TAF4B: variants seen among roughly 807,000 people sequenced by gnomAD.
TAF4B encodes the protein TATA-box binding protein associated factor 4b.
Under a neutral mutation model 86.4 loss-of-function variants are expected in TAF4B, and 38 were observed. That is an observed-to-expected ratio of 0.44 (90% CI 0.34 to 0.58). The LOEUF is 0.58. TAF4B is among the 20% of genes least tolerant of loss of function. The probability of loss-of-function intolerance (pLI) is 0.02; values close to 1 mark genes in which losing one functional copy is unlikely to be tolerated. For missense variants in TAF4B, 988 were observed against 1,027.6 expected, an observed-to-expected ratio of 0.96 and a Z score of 0.53; for synonymous variants, 388 against 391.2, an observed-to-expected ratio of 0.99 and a Z score of 0.10.
intron 12 of TAF4B, among the ~76,000 whole-genome samples, chr18:26,330,635 A>G (rs1344111018): frequency 1.3e-5 from 2 of 152,176 alleles, no homozygotes; most frequent in African/African-American, 4.8e-5. Context: ...GTTTATATAT[A>G]TACACACAAA....
chr18:26,345,794 A>T (rs1192760515), intron 13 of TAF4B, among the ~76,000 whole-genome samples: 1 of 152,176 alleles, frequency 6.6e-6, no homozygotes, highest in Non-Finnish European at 1.5e-5. Flanking sequence ...ACCCATGAAA[A>T]GGAACACAAT....
At chr18:26,278,847 G>T (rs563882904) in intron 5 of TAF4B, among the ~76,000 whole-genome samples, 1 of 152,140 alleles carries the variant, frequency 6.6e-6, no homozygotes, top group East Asian at 1.9e-4. Context: ...ATGTGTAAAG[G>T]TTCCTCAGTT....
intron 9 of TAF4B, among the ~76,000 whole-genome samples, chr18:26,306,138 C>T (rs2056792345): frequency 6.6e-6 from 1 of 152,112 alleles, no homozygotes; most frequent in African/African-American, 2.4e-5. Flanking sequence ...TAGTCATGGT[C>T]CTGATGTACA....
At chr18:26,236,467 C>G (rs879937690) in intron 1 of TAF4B, among the ~76,000 whole-genome samples, 4 of 152,162 alleles carry the variant, frequency 2.6e-5, no homozygotes, top group Admixed American at 6.5e-5. Flanking sequence ...TGAGCACCCT[C>G]AGTCCTGTTG....
intron 14 of TAF4B, among the ~76,000 whole-genome samples, chr18:26,361,063 A>G (rs187561380): frequency 2.0e-5 from 3 of 152,228 alleles, no homozygotes; most frequent in African/African-American, 4.8e-5. Flanking sequence ...GACTATTTAC[A>G]TATTAGTATC....
rs183583754 is a variant in TAF4B, at chr18:26,306,380, A to C, written c.1833-8849A>C. ...GGCCAACCAACATAAAGTAGCTTCC[A>C]CAGTGATATCTGCTGTCTTGAGGTA... On this transcript the variant is annotated intron_variant, in intron 9 of 14. Coordinates refer to ENST00000269142, the MANE Select transcript of TAF4B (RefSeq NM_005640.3). 3.3e-3 allele frequency among the ~76,000 whole-genome samples: 497 copies of C among 152,276 alleles called. 1 individual carries two copies. The highest frequency in any genetic ancestry group is 0.011 in the African/African-American group (466 of 41,564).
chr18:26,388,263 C>T (rs902915436), intron 14 of TAF4B, among the ~76,000 whole-genome samples: 3 of 152,138 alleles, frequency 2.0e-5, no homozygotes, highest in Admixed American at 2.0e-4. Context: ...AGTATATAGA[C>T]ATATTGGTAA....
intron 14 of TAF4B, among the ~76,000 whole-genome samples, chr18:26,375,509 T>A (rs1201601588): frequency 6.6e-6 from 1 of 152,180 alleles, no homozygotes; most frequent in Non-Finnish European, 1.5e-5. Flanking sequence ...ATGATTTGAC[T>A]TTTCCATCCA....
chr18:26,309,242 A>T (rs1390134841), intron 9 of TAF4B, among the ~76,000 whole-genome samples: 1 of 127,856 alleles, frequency 7.8e-6, no homozygotes, highest in African/African-American at 2.9e-5. Context: ...AAAACCTGAC[A>T]GTATTTTTTT....
chr18:26,377,411 C>G (rs758797959), intron 14 of TAF4B, among the ~76,000 whole-genome samples: 28 of 152,228 alleles, frequency 1.8e-4, no homozygotes, highest in Non-Finnish European at 3.1e-4. Context: ...TATATGTGGT[C>G]TTGTATCCTT....
chr18:26,285,147 G>GT (rs1197012841), intron 6 of TAF4B, among the ~76,000 whole-genome samples: 2 of 131,538 alleles, frequency 1.5e-5, no homozygotes, highest in African/African-American at 2.7e-5. Context: ...TAATTTTTGT[G>GT]TTTTTTGTAG....
intron 14 of TAF4B, among the ~76,000 whole-genome samples, chr18:26,363,159 C>A (rs1032645240): frequency 4.6e-5 from 7 of 151,934 alleles, no homozygotes; most frequent in African/African-American, 1.7e-4. Flanking sequence ...ATATCTATTT[C>A]TTTAATCAGC....
chr18:26,335,335 G>A (rs1464638187), intron 13 of TAF4B, 104 bp downstream of exon 13: 6 of 992,600 alleles, frequency 6.0e-6, no homozygotes, highest in African/African-American at 1.6e-5. Flanking sequence ...CATACCATTT[G>A]CAGAAGCCTT....
chr18:26,240,767 C>T (rs977467914), intron 1 of TAF4B, among the ~76,000 whole-genome samples: 7 of 152,148 alleles, frequency 4.6e-5, no homozygotes, highest in Admixed American at 1.3e-4. Context: ...ACATCAATAC[C>T]TAACTTATTG....
intron 1 of TAF4B, among the ~76,000 whole-genome samples, chr18:26,251,019 A>C (rs935531826): frequency 6.6e-6 from 1 of 152,172 alleles, no homozygotes. Flanking sequence ...TTTGTAAGGA[A>C]AACTGTGACG....
chr18:26,227,942 T>A (rs566563893), intron 1 of TAF4B, among the ~76,000 whole-genome samples: 1 of 152,230 alleles, frequency 6.6e-6, no homozygotes, highest in Non-Finnish European at 1.5e-5. Context: ...TTAAATGTCT[T>A]ATGATTCTAA....
At position 26,357,808 on chromosome 18, in the gene TAF4B, A is replaced by G. The variant is rs1391486717; in HGVS notation, c.2421+14A>G. On this transcript the variant is annotated intron_variant, in intron 14 of 14. Coordinates refer to ENST00000269142, the MANE Select transcript of TAF4B (RefSeq NM_005640.3). ...TCTGGAATTGAGGTATTGAAATAAT[A>G]TTCATTATTTTATTTTTAATGTCAA... is the stretch of plus-strand genomic sequence containing the variant. 13 of 1,549,060 alleles carry G rather than the reference A, an allele frequency of 8.4e-6. No homozygotes were observed. The highest frequency in any genetic ancestry group is 1.1e-5 in the Non-Finnish European group (12 of 1,132,916).
At chr18:26,251,882 G>A (rs2056011511) in intron 1 of TAF4B, among the ~76,000 whole-genome samples, 1 of 152,148 alleles carries the variant, frequency 6.6e-6, no homozygotes, top group African/African-American at 2.4e-5. Flanking sequence ...AAGATGAGCT[G>A]GTTATTTTAT....
chr18:26,296,170 A>T (rs552396540), intron 9 of TAF4B, among the ~76,000 whole-genome samples: 1 of 150,634 alleles, frequency 6.6e-6, no homozygotes, highest in Non-Finnish European at 1.5e-5. Context: ...GTTTGTATCT[A>T]TTTGCCGTGG....
Sources: allele counts gnomAD v4.1 joint callset (sites outside exome capture counted in the v4.1 genomes callset), GRCh38; gene constraint gnomAD v4.1.1; transcripts MANE v1.5; gene names NCBI Gene and HGNC (gene_info 2026-07-23, HGNC 2026-07-21).